Variants in TIE1 observed in about 807,000 individuals in gnomAD.
TIE1 encodes the protein tyrosine-protein kinase receptor Tie-1.
Under a neutral mutation model 130.5 loss-of-function variants are expected in TIE1, and 89 were observed. The ratio of observed to expected loss-of-function variants is 0.68; its 90% CI spans 0.57 to 0.81. The LOEUF (loss-of-function observed/expected upper bound fraction) is 0.81, where lower values mean the gene tolerates loss of function less well. Among genes scored for constraint, TIE1 ranks in the 40% least tolerant of loss-of-function variants. The pLI, the probability that TIE1 is intolerant of heterozygous loss-of-function variation, is 0.00. For missense variants in TIE1, 1,392 were observed against 1,559.8 expected, an observed-to-expected ratio of 0.89 and a Z score of 1.81; for synonymous variants, 568 against 629.4, an observed-to-expected ratio of 0.90 and a Z score of 1.46.
In TIE1 at chr1:43,319,271, G is replaced by C. The variant is rs1165084270; in HGVS notation, c.2959G>C (p.Val987Leu). Residue 987 changes from valine to leucine, a missense_variant, in exon 18 of 23, where the codon GTC (valine) becomes CTC (leucine). This residue lies in a region of TIE1 where 286 missense variants were observed against 354.4 expected (regional missense o/e 0.81). Transcript: ENST00000372476. The surrounding 1 kb of genome is among the most constrained non-coding windows in gnomAD (Gnocchi z 4.7). Reference protein sequence around the residue: ...HRDLAARNVLVGENLASKIAD... With the variant: ...HRDLAARNVLLGENLASKIAD... ...GGACCTGGCTGCCCGGAATGTGCTG[G>C]TCGGAGAGAACCTAGCCTCCAAGAT... 1.2e-6 allele frequency: 2 copies of C among 1,614,020 alleles called. No individual in the cohort carries two copies. Among genetic ancestry groups the C allele is most frequent in the Admixed American group, 1.7e-5 (1 of 59,996 alleles).
At position 43,311,998 on chromosome 1, in the gene TIE1, C is replaced by A. The variant is rs757542644; in HGVS notation, c.1497C>A (p.Asp499Glu). Residue 499 changes from aspartate to glutamate, a missense_variant, in exon 11 of 23, where the codon GAC (aspartate) becomes GAA (glutamate). Transcript: ENST00000372476. ...STMDWSTIVV[D>E]PSENVTLMNL... is the part of the protein sequence containing the mutation. ...TGCTTTACACCCCACGCCCAGTGGA[C>A]CCCAGTGAGAACGTGACGTTAATGA... 6.3e-6 allele frequency: 10 copies of A among 1,587,292 alleles called. No individual in the cohort carries two copies. The Admixed American group carries it at 1.7e-4, about 27-fold the overall frequency.
chr1:43,309,561 T>G lies in TIE1; in HGVS notation c.1333+29T>G. ...AGTGATGTCCTAGGTCCACAGGGAATGGACGGTGAGCAGAGTAGGCTCTAG... is the reference window on the plus strand; with the variant it reads ...AGTGATGTCCTAGGTCCACAGGGAAGGGACGGTGAGCAGAGTAGGCTCTAG... On this transcript the variant is annotated intron_variant, in intron 9 of 22. Coordinates refer to ENST00000372476, the MANE Select transcript of TIE1 (RefSeq NM_005424.5). This position sits in a 1 kb window ranked among gnomAD's most constrained non-coding sequence, Gnocchi z 6.3. 6.4e-7 allele frequency: 1 copy of G among 1,551,132 alleles called. No individual in the cohort carries two copies.
At position 43,307,998 on chromosome 1, in the gene TIE1, A is replaced by G; in HGVS notation, c.1042+74A>G. On this transcript the variant is annotated intron_variant, in intron 7 of 22. Coordinates refer to ENST00000372476, the MANE Select transcript of TIE1 (RefSeq NM_005424.5). The surrounding 1 kb of genome is among the most constrained non-coding windows in gnomAD (Gnocchi z 5.4). ...ACCAAACACATCTCCCCGGTGGAAGAGAGTAGTCCCTCCTTTCCCTACGAG... is the reference window on the plus strand; with the variant it reads ...ACCAAACACATCTCCCCGGTGGAAGGGAGTAGTCCCTCCTTTCCCTACGAG... 2 of 1,585,892 alleles carry G rather than the reference A, an allele frequency of 1.3e-6. No individual in the cohort carries two copies. Among genetic ancestry groups the G allele is most frequent in the Non-Finnish European group, 1.7e-6 (2 of 1,162,818 alleles).
Position 43,312,597 on chromosome 1 carries a change from C to T in TIE1, c.1923C>T (p.Pro641=). Residue 641 remains proline (P), a synonymous_variant, in exon 12 of 23, where the codon CCC becomes CCT. Transcript: ENST00000372476. This position sits in a 1 kb window ranked among gnomAD's most constrained non-coding sequence, Gnocchi z 5.6. ...CCCCTGCACACGTGCTTCTGCCCCC[C>T]AGTGGTATGTGCAAGGCGCAAGGAT... ...ASPPAHVLLP[P]SGPPAPRHLH... 6.2e-7 allele frequency: 1 copy of T among 1,602,344 alleles called. No homozygotes were observed. The highest frequency in any genetic ancestry group is 8.5e-7 in the Non-Finnish European group (1 of 1,173,960).
chr1:43,317,243 T>C lies in TIE1; in HGVS notation c.2454T>C (p.Leu818=), dbSNP rs773890805. The C allele has an allele frequency of 1.2e-6, 2 of 1,614,108 alleles. No homozygotes were observed. The highest frequency in any genetic ancestry group is 2.2e-5 in the East Asian group (1 of 44,874). The change falls in exon 15 of 23, where the codon CTT becomes CTC. Residue 818 remains leucine, a synonymous_variant. Transcript: ENST00000372476. The surrounding 1 kb of genome is among the most constrained non-coding windows in gnomAD (Gnocchi z 5.1). ...ILQFSSGTLT[L]TRRPKLQPEP... is the part of the protein sequence containing the mutation. Reference sequence around the variant, plus strand: ...AGTTCAGCTCAGGGACCTTGACACTTACCCGGCGGCCAAAACTGCAGCCCG... The same window carrying C: ...AGTTCAGCTCAGGGACCTTGACACTCACCCGGCGGCCAAAACTGCAGCCCG...
In TIE1 at chr1:43,313,899, T is replaced by C. The variant is rs779200241; in HGVS notation, c.2340T>C (p.Leu780=). The C allele has an allele frequency of 1.9e-6, 3 of 1,614,028 alleles. No homozygotes were observed. The highest frequency in any genetic ancestry group is 2.5e-6 in the Non-Finnish European group (3 of 1,180,012). Residue 780 remains leucine (L), a synonymous_variant, in exon 14 of 23, where the codon CTT becomes CTC. Transcript: ENST00000372476. This position sits in a 1 kb window ranked among gnomAD's most constrained non-coding sequence, Gnocchi z 6.2. ...CCTGCCTCACCATCCTGGCTGCCCT[T>C]TTAACCCTGGTGTGCATCCGCAGAA... is the stretch of plus-strand genomic sequence containing the variant. The part of the protein sequence containing the change: ...SATCLTILAA[L]LTLVCIRRSC...
chr1:43,305,897 T>A (rs1646724028), intron 3 of TIE1, among the ~76,000 whole-genome samples: 1 of 152,206 alleles, frequency 6.6e-6, no homozygotes, highest in South Asian at 2.1e-4. Context: ...CCAAGATTCC[T>A]GCCTCAGTCC....
Position 43,307,120 on chromosome 1 carries a change from T to A in TIE1, c.641-22T>A. On this transcript the variant is annotated intron_variant, in intron 4 of 22. Coordinates refer to ENST00000372476, the MANE Select transcript of TIE1 (RefSeq NM_005424.5). This position sits in a 1 kb window ranked among gnomAD's most constrained non-coding sequence, Gnocchi z 5.4. ...AGTGGTCAGGTGGGTGAGGGTCAGCTGCTGAAGACACCTTCCTCCAGGTTG... is the reference window on the plus strand; with the variant it reads ...AGTGGTCAGGTGGGTGAGGGTCAGCAGCTGAAGACACCTTCCTCCAGGTTG... 1 of 1,613,910 alleles carries A rather than the reference T, an allele frequency of 6.2e-7. No individual in the cohort carries two copies. Among genetic ancestry groups the A allele is most frequent in the Admixed American group, 1.7e-5 (1 of 60,018 alleles).
chr1:43,313,416 C>G lies in TIE1; in HGVS notation c.2209C>G (p.Leu737Val). The G allele has an allele frequency of 6.2e-7, 1 of 1,613,870 alleles. No individual in the cohort carries two copies. Among genetic ancestry groups the G allele is most frequent in the South Asian group, 1.1e-5 (1 of 91,080 alleles). ...DWSNTVEEST[L>V]GNGLQAEGPV... The stretch of plus-strand genomic sequence containing the variant: ...GAGCAACACAGTAGAAGAGTCCACC[C>G]TGGGCAACGGTGAGAGGGCAGGGCC... Residue 737 changes from leucine (L) to valine (V), a missense_variant, in exon 13 of 23, where the codon CTG (leucine) becomes GTG (valine). Physicochemically the swap from Leu to Val is conservative, Grantham distance 32 (BLOSUM62 1). Coordinates refer to ENST00000372476, the MANE Select transcript of TIE1 (RefSeq NM_005424.5). The surrounding 1 kb of genome is among the most constrained non-coding windows in gnomAD (Gnocchi z 6.2).
In TIE1 at chr1:43,317,441, A is replaced by T; in HGVS notation, c.2620+32A>T. On this transcript the variant is annotated intron_variant, in intron 15 of 22. Transcript: ENST00000372476. The surrounding 1 kb of genome is among the most constrained non-coding windows in gnomAD (Gnocchi z 5.1). ...TGGGGCGACCCCTGGCCCAGCCCTG[A>T]TGCTCTCCTTTGTCCCACAAATCCC... 1 of 1,613,426 alleles carries T rather than the reference A, an allele frequency of 6.2e-7. No homozygotes were observed.
rs1021176180 is a variant in TIE1 at position 43,318,937 on chromosome 1, C to T, written c.2923-298C>T. On this transcript the variant is annotated intron_variant, in intron 17 of 22. Coordinates refer to ENST00000372476, the MANE Select transcript of TIE1 (RefSeq NM_005424.5). This position sits in a 1 kb window ranked among gnomAD's most constrained non-coding sequence, Gnocchi z 4.4. ...AGGGCTAAGGGAGAGAAACTGGAAC[C>T]CAGGGGATGGGAAGAGGGAGGGGGA... is the stretch of plus-strand genomic sequence containing the variant. Among the ~76,000 whole-genome samples the T allele has an allele frequency of 6.6e-6, 1 of 151,768 alleles. No individual in the cohort carries two copies. Among genetic ancestry groups the T allele is most frequent in the African/African-American group, 2.4e-5 (1 of 41,294 alleles).
In TIE1 at chr1:43,312,199, C is replaced by G; in HGVS notation, c.1630+68C>G. The G allele has an allele frequency of 5.9e-6, 9 of 1,513,590 alleles. No individual in the cohort carries two copies. The highest frequency in any genetic ancestry group is 8.0e-6 in the Non-Finnish European group (9 of 1,131,066). 93.8% of individuals were successfully genotyped at this position (1,513,590 alleles called of 1,614,324 possible). On this transcript the variant is annotated intron_variant, in intron 11 of 22. Transcript: ENST00000372476. The surrounding 1 kb of genome is among the most constrained non-coding windows in gnomAD (Gnocchi z 5.6). ...ACTTTCCCGTCGACCCCAGGGACCCCTGCCTTTCCCACTGGAGGTTGTTCT... is the reference window on the plus strand; with the variant it reads ...ACTTTCCCGTCGACCCCAGGGACCCGTGCCTTTCCCACTGGAGGTTGTTCT...
At chr1:43,320,846 C>T (rs1646909696) in intron 19 of TIE1, 1 of 144,692 alleles carries the variant, frequency 6.9e-6, no homozygotes, top group African/African-American at 2.6e-5. Context: ...CAGAGCGAGA[C>T]TCTGTCTCAA....
In TIE1 at chr1:43,321,612, G is replaced by A. The variant is rs375003853; in HGVS notation, c.3246-4G>A. On this transcript the variant is annotated splice_region_variant and splice_polypyrimidine_tract_variant and intron_variant, in intron 21 of 22. Transcript: ENST00000372476. ...CTCCTCATCTCAGCAATGCCCCCTC[G>A]CAGGTACGAGCTGATGCGTCAGTGC... 4.4e-5 allele frequency: 68 copies of A among 1,553,876 alleles called. No homozygotes were observed. The highest frequency in any genetic ancestry group is 3.3e-4 in the Admixed American group (17 of 51,106).
rs770765264 is a variant in TIE1 at position 43,311,747 on chromosome 1, G to C, written c.1410G>C (p.Ser470=). ...SRQLVVSPLV[S]FSGDGPISTV... The stretch of plus-strand genomic sequence containing the variant: ...AGCTTGTGGTCTCCCCGCTGGTCTC[G>C]TTCTCTGGGGATGGACCCATCTCCA... Residue 470 remains serine, a synonymous_variant, in exon 10 of 23, where the codon TCG becomes TCC. Transcript: ENST00000372476. 29 of 1,614,112 alleles carry C rather than the reference G, an allele frequency of 1.8e-5. No individual in the cohort carries two copies. Among genetic ancestry groups the C allele is most frequent in the Non-Finnish European group, 2.4e-5 (28 of 1,180,016 alleles).
At position 43,316,803 on chromosome 1, in the gene TIE1, A is replaced by T. The variant is rs1646862121; in HGVS notation, c.2410-396A>T. 1.3e-5 allele frequency among the ~76,000 whole-genome samples: 2 copies of T among 152,202 alleles called. No individual in the cohort carries two copies. Among genetic ancestry groups the T allele is most frequent in the Non-Finnish European group, 2.9e-5 (2 of 68,026 alleles). On this transcript the variant is annotated intron_variant, in intron 14 of 22. Coordinates refer to ENST00000372476, the MANE Select transcript of TIE1 (RefSeq NM_005424.5). This position sits in a 1 kb window ranked among gnomAD's most constrained non-coding sequence, Gnocchi z 4.4. ...AAAAGCCTGGTTGTAGGATTAGCAC[A>T]GTCATAGGAAGCTCATTCCGATCCT...
At chr1:43,311,962 T>A (rs1646799426) in intron 10 of TIE1, 32 bp from the exon 11 acceptor site, 1 of 1,562,380 alleles carries the variant, frequency 6.4e-7, no homozygotes, top group Non-Finnish European at 8.7e-7. Flanking sequence ...AGGTGGGGGC[T>A]GAATAATGTG....
At chr1:43,305,433 G>T in intron 3 of TIE1, 90 bp downstream of exon 3, 2 of 1,275,792 alleles carry the variant, frequency 1.6e-6, no homozygotes, top group South Asian at 1.6e-5. Context: ...CTCAGCTTTG[G>T]CCCCTGACAC....
In TIE1 at chr1:43,311,983, C is replaced by G; in HGVS notation, c.1493-11C>G. On this transcript the variant is annotated splice_polypyrimidine_tract_variant and intron_variant, in intron 10 of 22. Transcript: ENST00000372476. ...GGGCTGAATAATGTGTGCTTTACAC[C>G]CCACGCCCAGTGGACCCCAGTGAGA... The G allele has an allele frequency of 6.3e-7, 1 of 1,576,980 alleles. No individual in the cohort carries two copies.
Sources: gnomAD v4.1 joint callset for allele counts (sites outside exome capture counted in the v4.1 genomes callset) on GRCh38, gnomAD v4.1.1 for gene constraint, gnomAD v4.1.1 regional missense constraint, Gnocchi (gnomAD v3.1) non-coding constraint, MANE v1.5 for transcripts, NCBI Gene and HGNC (gene_info 2026-07-23, HGNC 2026-07-21) for gene names.